Variants in STAG3 observed in about 807,000 individuals in gnomAD.
The protein encoded by STAG3 is STAG3 cohesin complex component, also known as cohesin subunit SA-3.
A neutral mutation model predicts 160.7 loss-of-function variants in STAG3; 101 were observed. The ratio of observed to expected loss-of-function variants is 0.63; its 90% CI spans 0.54 to 0.74. The LOEUF (loss-of-function observed/expected upper bound fraction) is 0.74, where lower values mean the gene tolerates loss of function less well. Ranked by LOEUF, STAG3 falls within the 30% of genes least tolerant of loss-of-function variation. The pLI is 0.00. For synonymous variants in STAG3, 519 were observed against 585.0 expected (o/e 0.89, Z 1.63); for missense variants, 1,188 against 1,517.4 (o/e 0.78, Z 3.61).
intron 29 of STAG3, among the ~76,000 whole-genome samples, chr7:100,209,698 C>T (rs751504495): frequency 2.7e-4 from 41 of 152,220 alleles, no homozygotes; most frequent in Middle Eastern, 3.4e-3. Flanking sequence ...GCTTCTTAGG[C>T]CGGGGGCAAT....
intron 3 of STAG3, among the ~76,000 whole-genome samples, chr7:100,182,442 A>G (rs1799708863): frequency 6.6e-6 from 1 of 152,132 alleles, no homozygotes; most frequent in Admixed American, 6.6e-5. Flanking sequence ...GTATTAAGGG[A>G]TGGAAATAGG....
intron 8 of STAG3, among the ~76,000 whole-genome samples, chr7:100,194,696 G>A (rs746308949): frequency 6.6e-6 from 1 of 152,132 alleles, no homozygotes; most frequent in Non-Finnish European, 1.5e-5. Flanking sequence ...TTGGGAGGCT[G>A]AGGCAGGAGG....
rs778597733 is a variant in STAG3, at chr7:100,197,844, A to G, written c.1132A>G (p.Thr378Ala). ...KGLYGNRDLT[T>A]RLELFTSRFK... Reference sequence around the variant, plus strand: ...GCTGTACGGTAACCGGGACCTGACCACACGCCTGGAGCTCTTCACCAGCCG... The same window carrying G: ...GCTGTACGGTAACCGGGACCTGACCGCACGCCTGGAGCTCTTCACCAGCCG... The change falls in exon 11 of 34, where the codon ACA becomes GCA. Residue 378 changes from threonine to alanine, a missense_variant. Physicochemically the swap from Thr to Ala is moderately conservative, Grantham distance 58. Transcript: ENST00000615138. 6.2e-6 allele frequency: 10 copies of G among 1,613,572 alleles called. No homozygotes were observed. The East Asian group carries it at 1.1e-4, about 18-fold the overall frequency.
chr7:100,198,005 C>T, intron 11 of STAG3, 82 bp from the exon 12 acceptor site: 2 of 1,546,822 alleles, frequency 1.3e-6, no homozygotes, highest in Non-Finnish European at 1.8e-6. Context: ...TAGGCACTCT[C>T]TTTAGGAGTC....
At chr7:100,190,291 G>A (rs918690584) in intron 8 of STAG3, among the ~76,000 whole-genome samples, 4 of 152,116 alleles carry the variant, frequency 2.6e-5, no homozygotes, top group African/African-American at 9.7e-5. Flanking sequence ...TAACACTACT[G>A]GTGTTTTCTC....
rs191771228 is a variant in STAG3 at position 100,207,775 on chromosome 7, G to A, written c.3238+2391G>A. ...TGGTGCCATATCTTGAGAAATTGTT[G>A]GCTAATTCATGAGGTCACAAAGATT... On this transcript the variant is annotated intron_variant, in intron 29 of 33. Transcript: ENST00000615138. This position sits in a 1 kb window ranked among gnomAD's most constrained non-coding sequence, Gnocchi z 4.0. Among the ~76,000 whole-genome samples the A allele has an allele frequency of 1.3e-5, 2 of 152,140 alleles. No homozygotes were observed. Among genetic ancestry groups the A allele is most frequent in the East Asian group, 3.9e-4 (2 of 5,182 alleles).
intron 5 of STAG3, among the ~76,000 whole-genome samples, chr7:100,187,965 C>G (rs949919736): frequency 6.6e-6 from 1 of 152,090 alleles, no homozygotes; most frequent in African/African-American, 2.4e-5. Flanking sequence ...ACCATGTTGG[C>G]CAGGCTGGTC....
intron 11 of STAG3, 45 bp downstream of exon 11, chr7:100,197,921 C>G (rs1800794768): frequency 6.4e-7 from 1 of 1,573,532 alleles, no homozygotes. Context: ...GTCGTGGTTC[C>G]TATTTCCCCA....
intron 13 of STAG3, 126 bp from the exon 14 acceptor site, chr7:100,198,716 TG>T (rs1264061473): frequency 1.6e-6 from 2 of 1,242,356 alleles, no homozygotes; most frequent in East Asian, 4.7e-5. Context: ...CGCAGCTCCT[TG>T]GGGCTTTCCT....
intron 5 of STAG3, 41 bp from the exon 6 acceptor site, chr7:100,188,412 G>T: frequency 7.7e-7 from 1 of 1,293,450 alleles, no homozygotes; most frequent in Admixed American, 1.7e-5. Context: ...AAAGCATCCT[G>T]TTATTTTCCT....
rs548932996 is a variant in STAG3, at chr7:100,185,743, T to A, written c.337-457T>A. On this transcript the variant is annotated intron_variant, in intron 4 of 33. Transcript: ENST00000615138. The stretch of plus-strand genomic sequence containing the variant: ...TCAAGAAAGAATTATTTTTTTTCCC[T>A]CCACTGTACCCTCAGGTCATAACAA... Among the ~76,000 whole-genome samples the A allele has an allele frequency of 3.9e-5, 6 of 152,316 alleles. No homozygotes were observed. In the East Asian group the frequency reaches 1.2e-3, roughly 29 times the overall value.
chr7:100,202,085 C>T, intron 23 of STAG3, 44 bp downstream of exon 23: 2 of 1,610,776 alleles, frequency 1.2e-6, no homozygotes, highest in Non-Finnish European at 1.7e-6. Context: ...AGTATCCCTG[C>T]CCCCATTCCA....
downstream of STAG3, among the ~76,000 whole-genome samples, chr7:100,216,734 G>A (rs1396954331): frequency 6.6e-6 from 1 of 151,572 alleles, no homozygotes; most frequent in African/African-American, 2.4e-5. Flanking sequence ...TTGGGAGATG[G>A]AGGTTGCAGT....
chr7:100,181,404 CAT>C (rs1256258586), intron 2 of STAG3: 1 of 152,100 alleles, frequency 6.6e-6, no homozygotes, highest in African/African-American at 2.4e-5. Flanking sequence ...ATTGATAAGA[CAT>C]GTGGTTTATG....
rs1003047918 is a variant in STAG3 at position 100,202,247 on chromosome 7, C to A, written c.2470C>A (p.Pro824Thr). 3 of 1,614,150 alleles carry A rather than the reference C, an allele frequency of 1.9e-6. No individual in the cohort carries two copies. The highest frequency in any genetic ancestry group is 2.5e-6 in the Non-Finnish European group (3 of 1,180,038). ...MIVGGRDFLR[P>T]LVFFPEATLQ... ...TGTTGGGGGCCGTGATTTCCTTAGGCCACTTGTCTTTTTTCCTGAAGCTAC... is the reference window on the plus strand; with the variant it reads ...TGTTGGGGGCCGTGATTTCCTTAGGACACTTGTCTTTTTTCCTGAAGCTAC... Residue 824 changes from proline (P) to threonine (T), a missense_variant, in exon 24 of 34, where the codon CCA becomes ACA. Transcript: ENST00000615138.
intron 26 of STAG3, 23 bp downstream of exon 26, chr7:100,204,145 CATG>C (rs1562993909): frequency 6.3e-7 from 1 of 1,589,658 alleles, no homozygotes; most frequent in Admixed American, 1.7e-5. Context: ...GCCTTGAGGA[CATG>C]CCAGCCCTGT....
At chr7:100,204,592 C>T (rs999626221) in intron 26 of STAG3, 35 bp from the exon 27 acceptor site, 2 of 1,602,298 alleles carry the variant, frequency 1.2e-6, no homozygotes, top group Non-Finnish European at 8.5e-7. Context: ...CCGTGTTCCT[C>T]CCTTTCCCAC....
chr7:100,202,454 G>C lies in STAG3; in HGVS notation c.2564G>C (p.Gly855Ala). The C allele has an allele frequency of 1.2e-6, 2 of 1,613,194 alleles. No homozygotes were observed. Among genetic ancestry groups the C allele is most frequent in the Non-Finnish European group, 1.7e-6 (2 of 1,179,324 alleles). The change falls in exon 25 of 34, where the codon GGT becomes GCT. Residue 855 changes from glycine to alanine, a missense_variant and splice_region_variant. Coordinates refer to ENST00000615138, the MANE Select transcript of STAG3 (RefSeq NM_001282717.2). Reference protein sequence around the residue: ...VFIQPGDLGSGDSQEDHLQIE... With the variant: ...VFIQPGDLGSADSQEDHLQIE... ...CCCTTTTGCCTTCCATGTGAGCCAG[G>C]TGATTCCCAGGAGGATCATTTACAG...
chr7:100,204,553 G>A, intron 26 of STAG3, 74 bp from the exon 27 acceptor site: 1 of 1,551,492 alleles, frequency 6.4e-7, no homozygotes, highest in East Asian at 2.3e-5. Flanking sequence ...TCTGAGTAGA[G>A]AAGAGAATGC....
Sources: gnomAD v4.1 joint callset for allele counts (sites outside exome capture counted in the v4.1 genomes callset) on GRCh38, gnomAD v4.1.1 for gene constraint, Gnocchi (gnomAD v3.1) non-coding constraint, MANE v1.5 for transcripts, NCBI Gene and HGNC (gene_info 2026-07-23, HGNC 2026-07-21) for gene names.